Variants in ADAMTS2 observed in about 807,000 individuals in gnomAD.
ADAMTS2 encodes A disintegrin and metalloproteinase with thrombospondin motifs 2.
In ADAMTS2, 50 loss-of-function variants were observed where a neutral mutation model predicts 123.0. That is an observed-to-expected ratio of 0.41 (90% CI 0.32 to 0.51). The LOEUF (loss-of-function observed/expected upper bound fraction) is 0.51. ADAMTS2 is among the 20% of genes least tolerant of loss of function. ADAMTS2 has a pLI of 0.35. For synonymous variants in ADAMTS2, 678 were observed against 695.4 expected (o/e 0.98, Z 0.39); for missense variants, 1,494 against 1,705.2 (o/e 0.88, Z 2.18).
intron 10 of ADAMTS2, among the ~76,000 whole-genome samples, chr5:179,142,896 G>A (rs566239153): frequency 1.4e-4 from 21 of 152,252 alleles, no homozygotes; most frequent in African/African-American, 4.6e-4. Context: ...CAGTTTTCAA[G>A]GAAACTTTCT....
At chr5:179,172,594 C>T (rs1453934042) in intron 5 of ADAMTS2, among the ~76,000 whole-genome samples, 1 of 152,196 alleles carries the variant, frequency 6.6e-6, no homozygotes, top group East Asian at 1.9e-4. Context: ...TGCAGGTGGA[C>T]CCCCTGCCCC....
At chr5:179,331,714 T>C (rs1159036820) in intron 2 of ADAMTS2, among the ~76,000 whole-genome samples, 1 of 152,116 alleles carries the variant, frequency 6.6e-6, no homozygotes, top group Non-Finnish European at 1.5e-5. Flanking sequence ...TCAGGCCTTC[T>C]CCCTGTCGGC....
chr5:179,238,613 T>C (rs1765590195), intron 3 of ADAMTS2, among the ~76,000 whole-genome samples: 1 of 151,928 alleles, frequency 6.6e-6, no homozygotes, highest in Non-Finnish European at 1.5e-5. Flanking sequence ...AGAAAGGGCA[T>C]CCAGGCGGAA....
rs984365699 is a variant in ADAMTS2 at position 179,118,580 on chromosome 5, C to T, written c.3178+3081G>A. On this transcript the variant is annotated intron_variant, in intron 21 of 21. Coordinates refer to ENST00000251582, the MANE Select transcript of ADAMTS2 (RefSeq NM_014244.5). This position sits in a 1 kb window ranked among gnomAD's most constrained non-coding sequence, Gnocchi z 4.5. ...TTAGTCATATCCTTTAAATTAACTCCTTTTTACACTTAAAATTTGTTTTAG... is the reference window on the plus strand; with the variant it reads ...TTAGTCATATCCTTTAAATTAACTCTTTTTTACACTTAAAATTTGTTTTAG... Among the ~76,000 whole-genome samples the T allele has an allele frequency of 3.3e-5, 5 of 152,164 alleles. No individual in the cohort carries two copies. Among genetic ancestry groups the T allele is most frequent in the African/African-American group, 1.2e-4 (5 of 41,442 alleles).
intron 5 of ADAMTS2, among the ~76,000 whole-genome samples, chr5:179,167,644 G>A (rs1018607815): frequency 9.9e-5 from 15 of 152,176 alleles, no homozygotes; most frequent in Non-Finnish European, 8.8e-5. Flanking sequence ...CCCGCAGGCC[G>A]CCACGCGACC....
intron 2 of ADAMTS2, among the ~76,000 whole-genome samples, chr5:179,295,764 G>A (rs1200910801): frequency 6.6e-6 from 1 of 152,222 alleles, no homozygotes; most frequent in African/African-American, 2.4e-5. Flanking sequence ...GTGAGAGTCG[G>A]GGTGGGAGGA....
In ADAMTS2 at chr5:179,189,211, C is replaced by G. The variant is rs1420660783; in HGVS notation, c.892-8056G>C. Among the ~76,000 whole-genome samples the G allele has an allele frequency of 6.6e-6, 1 of 152,182 alleles. No homozygotes were observed. ...ACGTGCGTCCATGTGAAGAGATCAC[C>G]AAACAGGCTTTGTGTGAGCAATAAA... On this transcript the variant is annotated intron_variant, in intron 4 of 21. Coordinates refer to ENST00000251582, the MANE Select transcript of ADAMTS2 (RefSeq NM_014244.5). This position sits in a 1 kb window ranked among gnomAD's most constrained non-coding sequence, Gnocchi z 4.2.
intron 3 of ADAMTS2, among the ~76,000 whole-genome samples, chr5:179,217,831 A>AGGC (rs1561811317): frequency 1.6e-5 from 1 of 62,716 alleles, no homozygotes; most frequent in African/African-American, 9.5e-5. Context: ...GGATGGCCTG[A>AGGC]GGGCAGACAG....
At chr5:179,257,638 C>T (rs1392528269) in intron 3 of ADAMTS2, among the ~76,000 whole-genome samples, 9 of 152,192 alleles carry the variant, frequency 5.9e-5, no homozygotes, top group East Asian at 1.9e-4. Context: ...CCGCAGGTTT[C>T]GCCTCACAGA....
chr5:179,314,444 A>G lies in ADAMTS2; in HGVS notation c.534+29323T>C, dbSNP rs1207615905. On this transcript the variant is annotated intron_variant, in intron 2 of 21. Transcript: ENST00000251582. The surrounding 1 kb of genome is among the most constrained non-coding windows in gnomAD (Gnocchi z 4.5). Reference sequence around the variant, plus strand: ...CCGTGGCGTGGCGTGGCGTGGCCGGAATACTCAGTTTTCCCTGCTTTTTGA... The same window carrying G: ...CCGTGGCGTGGCGTGGCGTGGCCGGGATACTCAGTTTTCCCTGCTTTTTGA... Among the ~76,000 whole-genome samples the G allele has an allele frequency of 6.6e-6, 1 of 150,508 alleles. No homozygotes were observed. Among genetic ancestry groups the G allele is most frequent in the Non-Finnish European group, 1.5e-5 (1 of 67,910 alleles).
At position 179,312,196 on chromosome 5, in the gene ADAMTS2, T is replaced by C. The variant is rs1007114578; in HGVS notation, c.534+31571A>G. ...CCATGGCAAAAAAGAACTTTGTAGA[T>C]GCGGTGAGTCCAAGGATCCTGAGAT... On this transcript the variant is annotated intron_variant, in intron 2 of 21. Coordinates refer to ENST00000251582, the MANE Select transcript of ADAMTS2 (RefSeq NM_014244.5). The surrounding 1 kb of genome is among the most constrained non-coding windows in gnomAD (Gnocchi z 4.2). Among the ~76,000 whole-genome samples, 1 of 152,158 alleles carries C rather than the reference T, an allele frequency of 6.6e-6. No homozygotes were observed. The highest frequency in any genetic ancestry group is 1.5e-5 in the Non-Finnish European group (1 of 68,030).
intron 3 of ADAMTS2, among the ~76,000 whole-genome samples, chr5:179,251,869 A>T (rs145921563): frequency 2.1e-3 from 324 of 152,172 alleles, no homozygotes; most frequent in African/African-American, 7.3e-3. Flanking sequence ...TAATGCAGAG[A>T]TTGTCTGCAG....
chr5:179,230,728 A>G (rs897179754), intron 3 of ADAMTS2, among the ~76,000 whole-genome samples: 4 of 152,198 alleles, frequency 2.6e-5, no homozygotes, highest in Non-Finnish European at 5.9e-5. Context: ...TAGGGTTATC[A>G]AGGCCTGCGC....
In ADAMTS2 at chr5:179,335,869, G is replaced by A. The variant is rs1230748157; in HGVS notation, c.534+7898C>T. On this transcript the variant is annotated intron_variant, in intron 2 of 21. Transcript: ENST00000251582. ...ACGGGAAGGGCTGCAGAGCCTCCAC[G>A]CCCTCTCTGGGCACTCACCCTCCCA... Among the ~76,000 whole-genome samples, 4 of 152,174 alleles carry A rather than the reference G, an allele frequency of 2.6e-5. No individual in the cohort carries two copies. In the South Asian group the frequency reaches 8.3e-4, roughly 31 times the overall value.
chr5:179,235,428 G>A (rs1370488897), intron 3 of ADAMTS2, among the ~76,000 whole-genome samples: 1 of 152,210 alleles, frequency 6.6e-6, no homozygotes, highest in Non-Finnish European at 1.5e-5. Context: ...GGAGCCAGAT[G>A]CCAGCCTATG....
In ADAMTS2 at chr5:179,187,084, G is replaced by A. The variant is rs116587661; in HGVS notation, c.892-5929C>T. Among the ~76,000 whole-genome samples, 383 of 152,150 alleles carry A rather than the reference G, an allele frequency of 2.5e-3. 1 individual carries two copies. Among genetic ancestry groups the A allele is most frequent in the African/African-American group, 8.2e-3 (342 of 41,498 alleles). ...AGCCCAGCCAGCCTTCCCCAGAGCC[G>A]GCTGCCCTCTCCTGCTGCCTGTGCT... On this transcript the variant is annotated intron_variant, in intron 4 of 21. Coordinates refer to ENST00000251582, the MANE Select transcript of ADAMTS2 (RefSeq NM_014244.5).
chr5:179,125,833 C>T (rs1395654667), intron 18 of ADAMTS2, among the ~76,000 whole-genome samples, 165 bp downstream of exon 18: 2 of 152,354 alleles, frequency 1.3e-5, no homozygotes, highest in East Asian at 3.9e-4. Flanking sequence ...AGCTGGGGTG[C>T]GCCTTCTGCC....
chr5:179,226,431 TA>T (rs1171889815), intron 3 of ADAMTS2, among the ~76,000 whole-genome samples: 2 of 105,764 alleles, frequency 1.9e-5, no homozygotes, highest in Non-Finnish European at 3.5e-5. Context: ...CATACCTGGT[TA>T]ATTTTTTTTT....
At chr5:179,222,696 T>C (rs1231574956) in intron 3 of ADAMTS2, among the ~76,000 whole-genome samples, 1 of 152,238 alleles carries the variant, frequency 6.6e-6, no homozygotes, top group Non-Finnish European at 1.5e-5. Flanking sequence ...TGAGATGGGC[T>C]GGGTGGGTGG....
Sources: gnomAD v4.1 joint callset for allele counts (sites outside exome capture counted in the v4.1 genomes callset) on GRCh38, gnomAD v4.1.1 for gene constraint, Gnocchi (gnomAD v3.1) non-coding constraint, MANE v1.5 for transcripts, NCBI Gene and HGNC (gene_info 2026-07-23, HGNC 2026-07-21) for gene names.